Variants in LTBP1 observed in about 807,000 individuals in gnomAD.
The protein encoded by LTBP1 is latent-transforming growth factor beta-binding protein 1.
In LTBP1, 129 loss-of-function variants were observed where a neutral mutation model predicts 207.6. The ratio of observed to expected loss-of-function variants is 0.62; its 90% CI spans 0.54 to 0.72. The LOEUF (loss-of-function observed/expected upper bound fraction) is 0.72. Among genes scored for constraint, LTBP1 ranks in the 30% least tolerant of loss-of-function variants. LTBP1 has a pLI of 0.00. For missense variants in LTBP1, 2,281 were observed against 2,217.2 expected (o/e 1.03, Z -0.58); for synonymous variants, 963 against 833.7 (o/e 1.16, Z -2.67).
intron 8 of LTBP1, among the ~76,000 whole-genome samples, chr2:33,218,274 G>T (rs976427772): frequency 2.0e-5 from 3 of 152,060 alleles, no homozygotes; most frequent in African/African-American, 4.8e-5. Flanking sequence ...TGCTTTTATT[G>T]TTCAGAACAT....
At chr2:33,053,843 G>A (rs1422390602) in intron 3 of LTBP1, among the ~76,000 whole-genome samples, 1 of 152,188 alleles carries the variant, frequency 6.6e-6, no homozygotes, top group East Asian at 1.9e-4. Flanking sequence ...TAGCCTGCTG[G>A]CACGAGGCTT....
chr2:33,110,052 C>T (rs980113160), intron 3 of LTBP1, among the ~76,000 whole-genome samples: 5 of 152,266 alleles, frequency 3.3e-5, no homozygotes, highest in East Asian at 1.9e-4. Flanking sequence ...CAGTGCTGCA[C>T]GCTTACTAAA....
intron 2 of LTBP1, among the ~76,000 whole-genome samples, chr2:32,954,451 T>C (rs904156092): frequency 6.6e-6 from 1 of 152,120 alleles, no homozygotes; most frequent in Non-Finnish European, 1.5e-5. Flanking sequence ...CTTCCCTGTG[T>C]CTTTATACAT....
intron 9 of LTBP1, among the ~76,000 whole-genome samples, chr2:33,240,093 A>G (rs900696479): frequency 6.6e-6 from 1 of 152,152 alleles, no homozygotes; most frequent in Admixed American, 6.6e-5. Context: ...CTGGTTTACC[A>G]TTCACCCGTC....
chr2:33,020,827 A>T, intron 2 of LTBP1, 82 bp from the exon 3 acceptor site: 1 of 1,331,358 alleles, frequency 7.5e-7, no homozygotes, highest in Non-Finnish European at 1.0e-6. Context: ...AAACAACCTG[A>T]TGCTACTGTT....
intron 28 of LTBP1, 61 bp from the exon 29 acceptor site, chr2:33,363,329 C>CT: frequency 4.4e-6 from 7 of 1,573,230 alleles, no homozygotes; most frequent in Non-Finnish European, 6.1e-6. Context: ...TGGTTAGACT[C>CT]TTTTTAATTG....
chr2:32,990,455 G>A (rs1244927805), intron 2 of LTBP1, among the ~76,000 whole-genome samples: 3 of 152,156 alleles, frequency 2.0e-5, no homozygotes, highest in African/African-American at 7.2e-5. Context: ...CATGTAAAAT[G>A]CACTTAGAAA....
intron 2 of LTBP1, among the ~76,000 whole-genome samples, chr2:32,959,619 A>ATTTTTTTTTTTTTTTTTT (rs1378144146): frequency 4.4e-4 from 21 of 48,092 alleles, no homozygotes; most frequent in Non-Finnish European, 6.6e-4. Context: ...ATATATATAT[A>ATTTTTTTTTTTTTTTTTT]TATTTTTTTT....
intron 7 of LTBP1, among the ~76,000 whole-genome samples, chr2:33,210,016 A>G (rs922976651): frequency 2.0e-5 from 3 of 152,150 alleles, no homozygotes; most frequent in African/African-American, 7.2e-5. Flanking sequence ...ATGTTTTTCT[A>G]TTTTCAAAAG....
chr2:33,059,943 A>G (rs887297219), intron 3 of LTBP1, among the ~76,000 whole-genome samples: 24 of 152,252 alleles, frequency 1.6e-4, no homozygotes, highest in African/African-American at 5.5e-4. Flanking sequence ...TCTGGCAAGA[A>G]GACTGGCCTT....
intron 15 of LTBP1, among the ~76,000 whole-genome samples, chr2:33,269,076 C>A (rs1414081247): frequency 6.6e-6 from 1 of 151,834 alleles, no homozygotes; most frequent in Non-Finnish European, 1.5e-5. Context: ...CATGTGAAAT[C>A]ATCATGCTTT....
At chr2:33,018,284 T>A (rs1267709252) in intron 2 of LTBP1, among the ~76,000 whole-genome samples, 2 of 151,984 alleles carry the variant, frequency 1.3e-5, no homozygotes, top group South Asian at 2.1e-4. Context: ...TCATTCTTGG[T>A]GGTACATTGG....
At chr2:33,065,146 G>A (rs1490409961) in intron 3 of LTBP1, among the ~76,000 whole-genome samples, 2 of 152,118 alleles carry the variant, frequency 1.3e-5, no homozygotes, top group African/African-American at 2.4e-5. Flanking sequence ...TGCATTTTCT[G>A]TATGTAGTGT....
chr2:32,948,076 C>T (rs1337657632), intron 1 of LTBP1, among the ~76,000 whole-genome samples: 1 of 150,510 alleles, frequency 6.6e-6, no homozygotes, highest in African/African-American at 2.4e-5. Flanking sequence ...GCATTTCTGC[C>T]TGGGGCGTAA....
chr2:33,016,211 G>C (rs762516443), intron 2 of LTBP1, among the ~76,000 whole-genome samples: 2 of 152,180 alleles, frequency 1.3e-5, no homozygotes, highest in African/African-American at 2.4e-5. Flanking sequence ...GGGAATCCCA[G>C]AGGTTGGGTG....
chr2:33,071,610 T>C (rs1466959110), intron 3 of LTBP1, among the ~76,000 whole-genome samples: 3 of 148,654 alleles, frequency 2.0e-5, no homozygotes, highest in East Asian at 2.0e-4. Context: ...GGAAGGAGGA[T>C]AGAATTCAAG....
At chr2:33,012,278 G>C (rs984616349) in intron 2 of LTBP1, among the ~76,000 whole-genome samples, 6 of 151,846 alleles carry the variant, frequency 4.0e-5, no homozygotes, top group African/African-American at 1.2e-4. Flanking sequence ...GGGATGGGGT[G>C]GGGGGGGCTT....
intron 31 of LTBP1, among the ~76,000 whole-genome samples, chr2:33,378,720 C>T (rs1011248149): frequency 6.6e-6 from 1 of 152,164 alleles, no homozygotes; most frequent in African/African-American, 2.4e-5. Flanking sequence ...TTTCTTTTGA[C>T]CTCTTCTTAA....
intron 2 of LTBP1, among the ~76,000 whole-genome samples, chr2:32,972,672 A>G (rs973368923): frequency 2.0e-5 from 3 of 152,186 alleles, no homozygotes; most frequent in African/African-American, 4.8e-5. Flanking sequence ...TGACTGGATC[A>G]TGGGGATGGT....
Sources: allele counts gnomAD v4.1 joint callset (sites outside exome capture counted in the v4.1 genomes callset), GRCh38; gene constraint gnomAD v4.1.1; transcripts MANE v1.5; gene names NCBI Gene and HGNC (gene_info 2026-07-23, HGNC 2026-07-21).